Variants in SCARB1 observed in about 807,000 individuals in gnomAD.
The protein encoded by SCARB1 is CD36 and LIMPII analogous 1.
In SCARB1, 30 loss-of-function variants were observed where a neutral mutation model predicts 57.2. That is an observed-to-expected ratio of 0.52 (90% CI 0.39 to 0.71). The LOEUF (loss-of-function observed/expected upper bound fraction) is 0.71, where lower values mean the gene tolerates loss of function less well. SCARB1 is among the 30% of genes least tolerant of loss of function. SCARB1 has a pLI of 0.00. For missense variants in SCARB1, 543 were observed against 671.2 expected, an observed-to-expected ratio of 0.81 and a Z score of 2.11; for synonymous variants, 249 against 268.3, an observed-to-expected ratio of 0.93 and a Z score of 0.70.
intron 1 of SCARB1, among the ~76,000 whole-genome samples, chr12:124,852,853 T>C (rs1448341529): frequency 2.0e-5 from 3 of 152,196 alleles, no homozygotes; most frequent in Non-Finnish European, 4.4e-5. Context: ...CCAGCCTGGC[T>C]AACATGGTGA....
intron 1 of SCARB1, among the ~76,000 whole-genome samples, chr12:124,821,872 C>A (rs1390126932): frequency 6.6e-6 from 1 of 152,166 alleles, no homozygotes; most frequent in Non-Finnish European, 1.5e-5. Context: ...CCACACTAGA[C>A]CAGGCAGCTG....
Position 124,807,205 on chromosome 12 carries a change from AAAAT to A in SCARB1, c.1009+552_1009+555del, listed in dbSNP as rs1950352717. On this transcript the variant is annotated intron_variant, in intron 7 of 12. Transcript: ENST00000261693. This position sits in a 1 kb window ranked among gnomAD's most constrained non-coding sequence, Gnocchi z 5.3. The stretch of plus-strand genomic sequence containing the variant: ...AACAGAGTGAGAGTCTGTCTCAAAA[AAAAT>A]AATAATAAACAAGATGGGGAGATTG... 6.6e-6 allele frequency among the ~76,000 whole-genome samples: 1 copy of A among 152,164 alleles called. No homozygotes were observed.
At chr12:124,780,975 G>A (rs963554010) in intron 12 of SCARB1, among the ~76,000 whole-genome samples, 9 of 152,160 alleles carry the variant, frequency 5.9e-5, no homozygotes, top group South Asian at 2.1e-4. Context: ...ACAGCACTAC[G>A]GTGTCCTGGA....
Position 124,856,739 on chromosome 12 carries a change from TC to T in SCARB1, c.126+6855del, listed in dbSNP as rs374916687. Among the ~76,000 whole-genome samples, 24 of 151,788 alleles carry T rather than the reference TC, an allele frequency of 1.6e-4. 2 individuals carry two copies. Among genetic ancestry groups the T allele is most frequent in the African/African-American group, 2.7e-4 (11 of 41,400 alleles). On this transcript the variant is annotated intron_variant, in intron 1 of 12. Coordinates refer to ENST00000261693, the MANE Select transcript of SCARB1 (RefSeq NM_005505.5). ...GCCCGGTAGGTGGAGACACTGGGCC[TC>T]CCCCCCAGGTTCCGCAGGGGGGCTG...
At chr12:124,791,127 T>C (rs33997405) in intron 9 of SCARB1, among the ~76,000 whole-genome samples, 4,391 of 152,314 alleles carry the variant, frequency 0.029, 85 homozygotes, top group Middle Eastern at 0.058. Context: ...ACGTGGGTTG[T>C]CACAACTCCT....
At chr12:124,781,371 T>C (rs1478278275) in intron 12 of SCARB1, among the ~76,000 whole-genome samples, 3 of 152,182 alleles carry the variant, frequency 2.0e-5, no homozygotes, top group Non-Finnish European at 4.4e-5. Flanking sequence ...TCAGAAGCTC[T>C]TGAGGGCAGC....
chr12:124,799,855 A>T (rs902197745), intron 8 of SCARB1, among the ~76,000 whole-genome samples: 2 of 152,220 alleles, frequency 1.3e-5, no homozygotes, highest in Non-Finnish European at 2.9e-5. Flanking sequence ...TCCAGCTCAC[A>T]TGTAGGAGAC....
chr12:124,834,909 C>A (rs77151276), intron 1 of SCARB1, among the ~76,000 whole-genome samples: 5 of 151,706 alleles, frequency 3.3e-5, no homozygotes, highest in Admixed American at 2.0e-4. Flanking sequence ...CCCTGTCCAC[C>A]CCCCCAAAAA....
At chr12:124,782,882 A>G (rs747788172) in intron 11 of SCARB1, 71 bp from the exon 12 acceptor site, 19 of 1,545,346 alleles carry the variant, frequency 1.2e-5, no homozygotes, top group Non-Finnish European at 1.6e-5. Context: ...CGGTTCTTCA[A>G]TTTGCAAAAG....
rs1300415500 is a variant in SCARB1 at position 124,817,089 on chromosome 12, T to C, written c.284+461A>G. ...GTGTAGGTACATGTGTGTGTATGTA[T>C]GTGTGTGTGTATGTGTATGTACGTG... On this transcript the variant is annotated intron_variant, in intron 2 of 12. Coordinates refer to ENST00000261693, the MANE Select transcript of SCARB1 (RefSeq NM_005505.5). This position sits in a 1 kb window ranked among gnomAD's most constrained non-coding sequence, Gnocchi z 4.8. Among the ~76,000 whole-genome samples, 2 of 148,652 alleles carry C rather than the reference T, an allele frequency of 1.3e-5. No individual in the cohort carries two copies. Among genetic ancestry groups the C allele is most frequent in the Non-Finnish European group, 3.0e-5 (2 of 67,458 alleles).
At chr12:124,794,233 T>C (rs1594211495) in intron 9 of SCARB1, among the ~76,000 whole-genome samples, 1 of 152,210 alleles carries the variant, frequency 6.6e-6, no homozygotes, top group African/African-American at 2.4e-5. Flanking sequence ...TACACAATTC[T>C]GTGAATATAC....
intron 9 of SCARB1, among the ~76,000 whole-genome samples, chr12:124,787,706 C>T (rs561489640): frequency 4.4e-4 from 67 of 150,912 alleles, no homozygotes; most frequent in African/African-American, 1.6e-3. Flanking sequence ...CTTTAAAAGG[C>T]GTTTTGTTTT....
Position 124,814,624 on chromosome 12 carries a change from C to T in SCARB1, c.427-219G>A, listed in dbSNP as rs2135676621. On this transcript the variant is annotated intron_variant, in intron 3 of 12. Coordinates refer to ENST00000261693, the MANE Select transcript of SCARB1 (RefSeq NM_005505.5). The surrounding 1 kb of genome is among the most constrained non-coding windows in gnomAD (Gnocchi z 4.7). The stretch of plus-strand genomic sequence containing the variant: ...TCCCGAGAACCCCTTCTCCCCCTTG[C>T]ACCCCACTGGACTCAGGCTAAGTGA... Among the ~76,000 whole-genome samples, 2 of 152,330 alleles carry T rather than the reference C, an allele frequency of 1.3e-5. No homozygotes were observed. Among genetic ancestry groups the T allele is most frequent in the South Asian group, 4.1e-4 (2 of 4,826 alleles).
chr12:124,805,725 ATTT>A (rs755476758), intron 7 of SCARB1, among the ~76,000 whole-genome samples: 3 of 79,570 alleles, frequency 3.8e-5, no homozygotes, highest in Admixed American at 1.4e-4. Context: ...TGCCTAGCTA[ATTT>A]TTTTTTTTTT....
intron 1 of SCARB1, among the ~76,000 whole-genome samples, chr12:124,833,340 C>A (rs1047806287): frequency 1.1e-4 from 16 of 152,068 alleles, no homozygotes; most frequent in Non-Finnish European, 2.1e-4. Flanking sequence ...CAAGCATACA[C>A]CACCACGCCT....
At chr12:124,857,533 G>A (rs906519963) in intron 1 of SCARB1, among the ~76,000 whole-genome samples, 35 of 152,202 alleles carry the variant, frequency 2.3e-4, no homozygotes, top group Admixed American at 5.9e-4. Flanking sequence ...GCTGGGGGTC[G>A]CGCCCGCCTC....
At position 124,822,178 on chromosome 12, in the gene SCARB1, CA is replaced by C. The variant is rs1473983276; in HGVS notation, c.127-4472del. The stretch of plus-strand genomic sequence containing the variant: ...TGCCTGGCAGAGGACACAGCCTGTG[CA>C]AAGGCTGGGAAGCCTTTAAGAGCGT... On this transcript the variant is annotated intron_variant, in intron 1 of 12. Transcript: ENST00000261693. This position sits in a 1 kb window ranked among gnomAD's most constrained non-coding sequence, Gnocchi z 5.0. Among the ~76,000 whole-genome samples the C allele has an allele frequency of 3.3e-5, 5 of 152,176 alleles. No homozygotes were observed. The highest frequency in any genetic ancestry group is 1.2e-4 in the African/African-American group (5 of 41,440).
intron 1 of SCARB1, among the ~76,000 whole-genome samples, chr12:124,824,808 C>A (rs1308516714): frequency 2.0e-5 from 3 of 152,238 alleles, no homozygotes; most frequent in Non-Finnish European, 4.4e-5. Context: ...GCTAGGGCCA[C>A]GACCTGCACA....
chr12:124,805,411 T>C (rs149165565), intron 7 of SCARB1, among the ~76,000 whole-genome samples: 3 of 152,214 alleles, frequency 2.0e-5, no homozygotes, highest in Non-Finnish European at 4.4e-5. Context: ...AGGGGACGTG[T>C]AGGGAGAAAT....
Sources: allele counts gnomAD v4.1 joint callset (sites outside exome capture counted in the v4.1 genomes callset), GRCh38; gene constraint gnomAD v4.1.1; non-coding constraint Gnocchi (gnomAD v3.1); transcripts MANE v1.5; gene names NCBI Gene and HGNC (gene_info 2026-07-23, HGNC 2026-07-21).